Variants in STK32B observed in about 807,000 individuals in gnomAD.
The protein encoded by STK32B is serine/threonine kinase 32B.
A neutral mutation model predicts 52.6 loss-of-function variants in STK32B; 43 were observed. The ratio of observed to expected loss-of-function variants is 0.82; its 90% CI spans 0.64 to 1.05. The LOEUF (loss-of-function observed/expected upper bound fraction) is 1.05. STK32B is among the 50% of genes least tolerant of loss of function. STK32B has a pLI of 0.00. For missense variants in STK32B, 621 were observed against 534.6 expected (o/e 1.16, Z -1.59); for synonymous variants, 238 against 204.3 (o/e 1.17, Z -1.41).
chr4:5,242,874 G>T (rs2108819638), intron 3 of STK32B, among the ~76,000 whole-genome samples: 1 of 152,258 alleles, frequency 6.6e-6, no homozygotes, highest in African/African-American at 2.4e-5. Flanking sequence ...GTTTGTCAAA[G>T]ATCAGATGGT....
At chr4:5,137,794 A>T (rs1716161572) in intron 1 of STK32B, among the ~76,000 whole-genome samples, 1 of 152,180 alleles carries the variant, frequency 6.6e-6, no homozygotes, top group Non-Finnish European at 1.5e-5. Context: ...GGTTGGGGAA[A>T]AGCTTCCCAA....
chr4:5,125,376 G>A (rs1156544363), intron 1 of STK32B, among the ~76,000 whole-genome samples: 2 of 152,140 alleles, frequency 1.3e-5, no homozygotes, highest in African/African-American at 4.8e-5. Context: ...GTGTGGCCTC[G>A]GGCTAGGAAC....
At chr4:5,306,112 T>C (rs1367620593) in intron 3 of STK32B, among the ~76,000 whole-genome samples, 1 of 152,140 alleles carries the variant, frequency 6.6e-6, no homozygotes, top group Non-Finnish European at 1.5e-5. Flanking sequence ...TGAGGCTTGT[T>C]TGTGGTCTAT....
intron 3 of STK32B, among the ~76,000 whole-genome samples, chr4:5,295,286 A>T (rs1229409565): frequency 6.6e-6 from 1 of 151,864 alleles, no homozygotes; most frequent in Non-Finnish European, 1.5e-5. Flanking sequence ...ATGATGCCTC[A>T]TAAAACGAGT....
intron 5 of STK32B, among the ~76,000 whole-genome samples, chr4:5,403,789 T>C (rs1260049146): frequency 1.3e-5 from 2 of 152,096 alleles, no homozygotes. Flanking sequence ...ATTAGGCATG[T>C]ACTGCTTGTG....
chr4:5,302,145 A>G (rs547952847), intron 3 of STK32B, among the ~76,000 whole-genome samples: 2 of 151,594 alleles, frequency 1.3e-5, no homozygotes, highest in South Asian at 4.2e-4. Context: ...AAACAGTCTG[A>G]TGTATGTGTG....
intron 1 of STK32B, among the ~76,000 whole-genome samples, chr4:5,101,202 C>T (rs940586742): frequency 2.6e-5 from 4 of 152,186 alleles, no homozygotes; most frequent in African/African-American, 9.7e-5. Context: ...AGCCTGATTC[C>T]AGAGGACAAG....
At chr4:5,296,300 C>G (rs768460153) in intron 3 of STK32B, among the ~76,000 whole-genome samples, 5 of 152,132 alleles carry the variant, frequency 3.3e-5, no homozygotes, top group Non-Finnish European at 7.4e-5. Flanking sequence ...GAGCTGAGTT[C>G]AAGTCCTGAA....
intron 4 of STK32B, among the ~76,000 whole-genome samples, chr4:5,351,426 GAC>G (rs1472688789): frequency 6.6e-6 from 1 of 151,906 alleles, no homozygotes. Flanking sequence ...TGAAAACCAA[GAC>G]ACACATGCCA....
intron 3 of STK32B, among the ~76,000 whole-genome samples, chr4:5,254,064 C>T (rs906775620): frequency 3.9e-5 from 6 of 152,238 alleles, no homozygotes; most frequent in Non-Finnish European, 5.9e-5. Context: ...GGATTACAGG[C>T]GTGAGCCACT....
At chr4:5,144,653 A>G (rs1188359794) in intron 2 of STK32B, among the ~76,000 whole-genome samples, 2 of 152,162 alleles carry the variant, frequency 1.3e-5, no homozygotes, top group African/African-American at 2.4e-5. Flanking sequence ...GAAACTGTAC[A>G]GCTCTGGGCT....
chr4:5,233,362 G>A (rs1724409447), intron 3 of STK32B, among the ~76,000 whole-genome samples: 1 of 152,152 alleles, frequency 6.6e-6, no homozygotes, highest in African/African-American at 2.4e-5. Flanking sequence ...CAGAAAGGAA[G>A]TCATGAGCAA....
At chr4:5,175,030 T>G (rs1313753870) in intron 3 of STK32B, among the ~76,000 whole-genome samples, 1 of 152,184 alleles carries the variant, frequency 6.6e-6, no homozygotes, top group Non-Finnish European at 1.5e-5. Flanking sequence ...AAAGTTCCCT[T>G]CTCGCTTCAT....
chr4:5,197,921 T>C (rs575427035), intron 3 of STK32B, among the ~76,000 whole-genome samples: 1 of 152,328 alleles, frequency 6.6e-6, no homozygotes, highest in African/African-American at 2.4e-5. Context: ...TTATGTTTCA[T>C]GGTAAAACAT....
intron 3 of STK32B, among the ~76,000 whole-genome samples, chr4:5,311,889 G>A (rs1730311385): frequency 6.7e-6 from 1 of 148,188 alleles, no homozygotes; most frequent in South Asian, 2.1e-4. Flanking sequence ...AAATGGAAGA[G>A]AAGTGCATAC....
At chr4:5,455,638 G>A (rs1716437739) in intron 7 of STK32B, among the ~76,000 whole-genome samples, 2 of 152,102 alleles carry the variant, frequency 1.3e-5, no homozygotes, top group African/African-American at 4.8e-5. Context: ...AGGTGGCAGT[G>A]GGATCCCAGT....
At chr4:5,219,547 C>T (rs979285816) in intron 3 of STK32B, among the ~76,000 whole-genome samples, 69 of 152,346 alleles carry the variant, frequency 4.5e-4, no homozygotes, top group African/African-American at 1.5e-3. Context: ...GAGAACTTCA[C>T]CAGGGTCACA....
chr4:5,484,685 G>A (rs545680780), intron 11 of STK32B, among the ~76,000 whole-genome samples: 29 of 152,130 alleles, frequency 1.9e-4, no homozygotes, highest in Middle Eastern at 6.8e-3. Flanking sequence ...TCCTAGCCTC[G>A]ATGGTCTTTA....
intron 6 of STK32B, among the ~76,000 whole-genome samples, chr4:5,425,029 G>A (rs1021328540): frequency 3.9e-5 from 6 of 152,238 alleles, no homozygotes; most frequent in Non-Finnish European, 8.8e-5. Context: ...GGGAGCCGGC[G>A]CTCGTGCCAG....
Sources: allele counts gnomAD v4.1 joint callset (sites outside exome capture counted in the v4.1 genomes callset), GRCh38; gene constraint gnomAD v4.1.1; transcripts MANE v1.5; gene names NCBI Gene and HGNC (gene_info 2026-07-23, HGNC 2026-07-21).